Variants in AGAP4 observed in about 807,000 individuals in gnomAD.
The protein encoded by AGAP4 is arf-GAP with GTPase, ANK repeat and PH domain-containing protein 4.
A neutral mutation model predicts 60.7 loss-of-function variants in AGAP4; 13 were observed. That is an observed-to-expected ratio of 0.21 (90% CI 0.14 to 0.34). The LOEUF is 0.34. AGAP4 is among the 10% of genes least tolerant of loss of function. The probability of loss-of-function intolerance (pLI) is 1.00; values close to 1 mark genes in which losing one functional copy is unlikely to be tolerated. For synonymous variants in AGAP4, 70 were observed against 339.0 expected (o/e 0.21, Z 8.72); for missense variants, 169 against 884.0 (o/e 0.19, Z 10.26).
At chr10:45,852,105 G>A (rs2059090220), upstream of AGAP4, among the ~76,000 whole-genome samples, 1 of 149,918 alleles carries the variant, frequency 6.7e-6, no homozygotes, top group Non-Finnish European at 1.5e-5. Flanking sequence ...GTAGAGACGG[G>A]GTTTCAACGT....
In AGAP4 at chr10:45,847,292, T is replaced by A. The variant is rs2059015778; in HGVS notation, c.56A>T (p.Gln19Leu). The change falls in exon 1 of 8, where the codon CAG (glutamine) becomes CTG (leucine). Residue 19 changes from glutamine (Q) to leucine (L), a missense_variant. Physicochemically the swap from Gln to Leu is moderately radical, Grantham distance 113. Transcript: ENST00000616763. ...AGAGGGACACACCGACCCCTGCTGC[T>A]GGTCAAACTCGAGGCTGACGCTAGG... ...VHPSVSLEFD[Q>L]QQGSVCPSES... The A allele has an allele frequency of 6.3e-7, 1 of 1,596,018 alleles. No individual in the cohort carries two copies. The highest frequency in any genetic ancestry group is 1.7e-5 in the Admixed American group (1 of 59,810).
chr10:45,846,982 C>G, intron 1 of AGAP4, 143 bp downstream of exon 1: 1 of 1,594,226 alleles, frequency 6.3e-7, no homozygotes, highest in African/African-American at 1.3e-5. Context: ...CAAGGCAGAG[C>G]CAGCTTTTGT....
At chr10:45,852,866 A>G (rs1349662977) in intron 1 of AGAP4, among the ~76,000 whole-genome samples, 1 of 151,874 alleles carries the variant, frequency 6.6e-6, no homozygotes, top group African/African-American at 2.4e-5. Context: ...ACTTGAGATG[A>G]TGTCTATTTA....
At chr10:45,852,994 A>G (rs1193445226) in intron 1 of AGAP4, among the ~76,000 whole-genome samples, 17,636 of 151,928 alleles carry the variant, frequency 0.12, 1,118 homozygotes, top group Non-Finnish European at 0.14. Context: ...TTTCAGCTTA[A>G]AGCAAGAATA....
intron 1 of AGAP4, among the ~76,000 whole-genome samples, chr10:45,852,700 C>T (rs1395630456): frequency 3.3e-5 from 5 of 151,270 alleles, no homozygotes; most frequent in South Asian, 2.1e-4. Context: ...TGTTGAAATG[C>T]GGGAAACCAC....
chr10:45,853,355 T>C (rs1317882849), intron 1 of AGAP4, among the ~76,000 whole-genome samples: 2 of 151,458 alleles, frequency 1.3e-5, no homozygotes, highest in African/African-American at 4.9e-5. Context: ...TAACATCTTC[T>C]ACAGTCTTCC....
At chr10:45,853,865 C>T in exon 1 of AGAP4, 1 of 1,246,528 alleles carries the variant, frequency 8.0e-7, no homozygotes, top group Non-Finnish European at 1.0e-6. Flanking sequence ...AGCCACCTTT[C>T]ACTTCCTATC....
intron 5 of AGAP4, among the ~76,000 whole-genome samples, chr10:45,832,368 C>T (rs1341424212): frequency 6.7e-6 from 1 of 149,894 alleles, no homozygotes; most frequent in African/African-American, 2.4e-5. Context: ...CAAATTGGAG[C>T]AGTTTCTCGT....
exon 1 of AGAP4, chr10:45,853,775 G>A (rs2135981915): frequency 1.6e-6 from 2 of 1,287,808 alleles, no homozygotes; most frequent in South Asian, 2.5e-5. Flanking sequence ...CATGGACAAA[G>A]TTTGTGAAGG....
At chr10:45,838,002 A>T (rs1223162545) in intron 4 of AGAP4, among the ~76,000 whole-genome samples, 1 of 150,950 alleles carries the variant, frequency 6.6e-6, no homozygotes, top group Non-Finnish European at 1.5e-5. Flanking sequence ...AACTCAAACA[A>T]ATTACAATTA....
Position 45,844,379 on chromosome 10 carries a change from G to C in AGAP4, c.308C>G (p.Pro103Arg), listed in dbSNP as rs2058967893. The C allele has an allele frequency of 1.3e-6, 2 of 1,593,642 alleles. No individual in the cohort carries two copies. Among genetic ancestry groups the C allele is most frequent in the Admixed American group, 3.4e-5 (2 of 59,670 alleles). The change falls in exon 3 of 8, where the codon CCT becomes CGT. Residue 103 changes from proline to arginine, a missense_variant. Transcript: ENST00000616763. ...NSQTDALEFN[P>R]SANPEASTIF... ...TGTGCTTGCCTCTGGATTGGCAGAA[G>C]GGTTAAACTCCAAAGCTATATGCAT...
intron 4 of AGAP4, among the ~76,000 whole-genome samples, chr10:45,839,945 A>G (rs1345414248): frequency 6.7e-6 from 1 of 150,236 alleles, no homozygotes; most frequent in Non-Finnish European, 1.5e-5. Flanking sequence ...ACTGAAAAAA[A>G]TACAAGGGGA....
At chr10:45,844,626 G>A (rs1423117748) in intron 2 of AGAP4, 1 of 410,180 alleles carries the variant, frequency 2.4e-6, no homozygotes, top group Non-Finnish European at 4.2e-6. Flanking sequence ...TCAGGAAGTT[G>A]AGGCCAGCAT....
At chr10:45,834,466 G>C (rs1219118286) in intron 4 of AGAP4, among the ~76,000 whole-genome samples, 8 of 136,086 alleles carry the variant, frequency 5.9e-5, no homozygotes, top group African/African-American at 2.2e-4. Context: ...ACGAGGTCAA[G>C]AGATCGAGAC....
At chr10:45,834,895 T>C (rs1191225116) in intron 4 of AGAP4, among the ~76,000 whole-genome samples, 5 of 146,236 alleles carry the variant, frequency 3.4e-5, no homozygotes, top group African/African-American at 1.4e-4. Flanking sequence ...TGACTCAGCC[T>C]CCTGAGTAGC....
chr10:45,826,577 G>GGGCCAGAGCGA lies in AGAP4; in HGVS notation c.1398_1399insTCGCTCTGGCC (p.Leu467SerfsTer30). The stretch of plus-strand genomic sequence containing the variant: ...CCACGCATGTTTTGGATCGACTGCA[G>GGGCCAGAGCGA]GGCCATGGCCTTGCTCTGGCTGGTC... On this transcript the variant is annotated frameshift_variant, in exon 8 of 8. Coordinates refer to ENST00000616763, the MANE Select transcript of AGAP4 (RefSeq NM_001276343.3). LOFTEE classifies it high-confidence loss of function. 6.2e-6 allele frequency: 9 copies of GGGCCAGAGCGA among 1,446,046 alleles called. No homozygotes were observed. The highest frequency in any genetic ancestry group is 7.6e-6 in the Non-Finnish European group (8 of 1,058,300). The allele number at this position is 1,446,046 out of a possible 1,614,324, so 89.6% of individuals were successfully genotyped here. A position where few individuals can be genotyped will look rare whatever the true frequency, so the allele number is the denominator to read the frequency against.
chr10:45,853,358 AGTCTTCCATT>A (rs2059106847), intron 1 of AGAP4, among the ~76,000 whole-genome samples: 1 of 151,356 alleles, frequency 6.6e-6, no homozygotes, highest in African/African-American at 2.4e-5. Flanking sequence ...CATCTTCTAC[AGTCTTCCATT>A]GTTTAGACCT....
At chr10:45,853,998 T>G (rs1348679318), upstream of AGAP4, 1 of 639,192 alleles carries the variant, frequency 1.6e-6, no homozygotes, top group Non-Finnish European at 2.1e-6. Context: ...CTACTGGAGA[T>G]GAGTGACCCC....
chr10:45,830,700 T>C (rs1554897015), intron 6 of AGAP4, among the ~76,000 whole-genome samples: 2 of 129,100 alleles, frequency 1.5e-5, no homozygotes, highest in African/African-American at 5.9e-5. Context: ...TTAGCCAGGA[T>C]GGTCTCGATC....
Sources: gnomAD v4.1 joint callset for allele counts (sites outside exome capture counted in the v4.1 genomes callset) on GRCh38, gnomAD v4.1.1 for gene constraint, MANE v1.5 for transcripts, NCBI Gene and HGNC (gene_info 2026-07-23, HGNC 2026-07-21) for gene names.